Variants in CHODL observed in about 807,000 individuals in gnomAD.
CHODL encodes the protein chondrolectin.
In CHODL, 29 loss-of-function variants were observed where a neutral mutation model predicts 34.5. The observed-to-expected ratio is 0.84, with a 90% confidence interval of 0.63 to 1.15. The LOEUF (loss-of-function observed/expected upper bound fraction) is 1.15, where lower values mean the gene tolerates loss of function less well. Among genes scored for constraint, CHODL ranks in the 50% most tolerant of loss-of-function variants. The pLI, the probability that CHODL is intolerant of heterozygous loss-of-function variation, is 0.00. For synonymous variants in CHODL, 125 were observed against 116.1 expected, an observed-to-expected ratio of 1.08 and a Z score of -0.49; for missense variants, 332 against 332.5, an observed-to-expected ratio of 1.00 and a Z score of 0.01.
At chr21:17,966,631 C>A (rs568283113) in intron 1 of CHODL, among the ~76,000 whole-genome samples, 17 of 152,280 alleles carry the variant, frequency 1.1e-4, no homozygotes, top group Admixed American at 2.6e-4. Flanking sequence ...CAGTTGTTTT[C>A]ATGTATCTGC....
intron 2 of CHODL, among the ~76,000 whole-genome samples, chr21:18,030,830 G>A (rs3895608): frequency 0.039 from 5,918 of 152,214 alleles, 276 homozygotes; most frequent in East Asian, 0.14. Context: ...GGTAAATCCA[G>A]TGTTTGCTAC....
chr21:18,215,742 C>G (rs1215103108), intron 2 of CHODL, among the ~76,000 whole-genome samples: 1 of 152,070 alleles, frequency 6.6e-6, no homozygotes, highest in East Asian at 1.9e-4. Context: ...TTGGTTGGTT[C>G]TGGAATTTGG....
chr21:18,120,931 A>G (rs1363863315), intron 2 of CHODL, among the ~76,000 whole-genome samples: 1 of 152,116 alleles, frequency 6.6e-6, no homozygotes, highest in African/African-American at 2.4e-5. Flanking sequence ...AGCTTAGGGA[A>G]GATGGCATGA....
chr21:18,025,529 T>C (rs180755307), intron 1 of CHODL, among the ~76,000 whole-genome samples: 16 of 152,288 alleles, frequency 1.1e-4, no homozygotes, highest in Non-Finnish European at 2.1e-4. Flanking sequence ...TCCCTCTACT[T>C]CTTCGTTCGG....
At chr21:17,979,991 C>G (rs1328230213) in intron 1 of CHODL, among the ~76,000 whole-genome samples, 1 of 151,962 alleles carries the variant, frequency 6.6e-6, no homozygotes, top group Non-Finnish European at 1.5e-5. Context: ...TCTTTTCCTA[C>G]TTCAATAGAA....
chr21:17,929,023 A>T (rs2063249833), intron 1 of CHODL, among the ~76,000 whole-genome samples: 1 of 152,192 alleles, frequency 6.6e-6, no homozygotes, highest in East Asian at 1.9e-4. Flanking sequence ...TTTTTTAGTA[A>T]GGAGCTGTTT....
chr21:18,134,121 G>A lies in CHODL; in HGVS notation c.-45+106150G>A, dbSNP rs200504073. ...TGAACAAAAGTCTAGGCAGGGAGGC[G>A]GGTATAACTCTCTCATGCCCCTTTT... On this transcript the variant is annotated intron_variant, in intron 2 of 6. Coordinates refer to the CHODL transcript ENST00000400127. Among the ~76,000 whole-genome samples the A allele has an allele frequency of 7.2e-5, 11 of 152,214 alleles. No individual in the cohort carries two copies. In the East Asian group the frequency reaches 1.7e-3, roughly 24 times the overall value.
At chr21:17,935,448 C>T in intron 1 of CHODL, among the ~76,000 whole-genome samples, 1 of 152,154 alleles carries the variant, frequency 6.6e-6, no homozygotes, top group East Asian at 1.9e-4. Context: ...ATTTCTTTTC[C>T]ACAGCTCACA....
At chr21:18,104,169 T>C (rs148129970) in intron 2 of CHODL, among the ~76,000 whole-genome samples, 1 of 152,126 alleles carries the variant, frequency 6.6e-6, no homozygotes, top group Non-Finnish European at 1.5e-5. Context: ...AAAATAGCAG[T>C]GAAGTGGGTT....
chr21:18,244,528 G>A (rs1432255707), upstream of CHODL, among the ~76,000 whole-genome samples: 2 of 152,142 alleles, frequency 1.3e-5, no homozygotes, highest in Non-Finnish European at 1.5e-5. Flanking sequence ...TGGCAACCCC[G>A]TAGACATTTA....
At chr21:18,136,130 A>AAAAAAAAG (rs1568904709) in intron 2 of CHODL, among the ~76,000 whole-genome samples, 1 of 151,138 alleles carries the variant, frequency 6.6e-6, no homozygotes. Context: ...AAAAAGAAAA[A>AAAAAAAAG]AAAGAAAAAA....
chr21:18,252,113 G>A (rs1233236811), intron 1 of CHODL, among the ~76,000 whole-genome samples: 4 of 151,820 alleles, frequency 2.6e-5, no homozygotes, highest in Non-Finnish European at 1.5e-5. Flanking sequence ...TAGAATCCTG[G>A]GCAGATCTTT....
intron 2 of CHODL, among the ~76,000 whole-genome samples, chr21:18,039,718 C>A (rs1398233467): frequency 6.6e-6 from 1 of 151,626 alleles, no homozygotes; most frequent in Non-Finnish European, 1.5e-5. Context: ...TTGGAAAAAC[C>A]TAACCCCTAA....
At chr21:18,095,182 TGAA>T (rs929615203) in intron 2 of CHODL, among the ~76,000 whole-genome samples, 1 of 150,610 alleles carries the variant, frequency 6.6e-6, no homozygotes, top group Non-Finnish European at 1.5e-5. Context: ...AAATTTGAAA[TGAA>T]GAAAACAATA....
intron 1 of CHODL, among the ~76,000 whole-genome samples, chr21:17,989,470 C>T (rs2063780081): frequency 6.6e-6 from 1 of 152,136 alleles, no homozygotes. Flanking sequence ...TGCCCCCAAA[C>T]TCCAGGGAGC....
intron 2 of CHODL, among the ~76,000 whole-genome samples, chr21:18,095,441 A>G (rs979088503): frequency 1.7e-4 from 26 of 152,198 alleles, no homozygotes; most frequent in African/African-American, 3.9e-4. Flanking sequence ...GCTATAACCT[A>G]TTAAGATTGA....
Position 18,097,540 on chromosome 21 carries a change from C to T in CHODL, c.-45+69569C>T, listed in dbSNP as rs142815454. ...AAGTGAAAGATCTTTACAAATGAAA[C>T]GTATAAAACACTGATGAAAGAAATT... On this transcript the variant is annotated intron_variant, in intron 2 of 6. Transcript: ENST00000400127. Among the ~76,000 whole-genome samples the T allele has an allele frequency of 3.3e-3, 503 of 151,936 alleles. 4 individuals are homozygous for T. Among genetic ancestry groups the T allele is most frequent in the African/African-American group, 0.012 (478 of 41,468 alleles).
At chr21:17,978,446 C>T (rs377306395) in intron 1 of CHODL, among the ~76,000 whole-genome samples, 2,315 of 140,282 alleles carry the variant, frequency 0.017, 38 homozygotes, top group Non-Finnish European at 0.026. Context: ...AGGCCGGGCG[C>T]GGTGGCGCAC....
intron 2 of CHODL, among the ~76,000 whole-genome samples, chr21:18,119,173 T>G (rs1333673807): frequency 1.3e-5 from 2 of 152,080 alleles, no homozygotes; most frequent in Non-Finnish European, 2.9e-5. Flanking sequence ...ATCATCACTC[T>G]CAACATAAGG....
Sources: allele counts gnomAD v4.1 joint callset (sites outside exome capture counted in the v4.1 genomes callset), GRCh38; gene constraint gnomAD v4.1.1; transcripts MANE v1.5; gene names NCBI Gene and HGNC (gene_info 2026-07-23, HGNC 2026-07-21).